Variants in AFF3 observed in about 807,000 individuals in gnomAD.
AFF3 encodes the protein AF4/FMR2 family member 3.
Under a neutral mutation model 129.7 loss-of-function variants are expected in AFF3, and 32 were observed. The ratio of observed to expected loss-of-function variants is 0.25; its 90% CI spans 0.19 to 0.33. The LOEUF (loss-of-function observed/expected upper bound fraction) is 0.33. AFF3 is among the 10% of genes least tolerant of loss of function. The pLI is 1.00. For missense variants in AFF3, 1,373 were observed against 1,592.0 expected (o/e 0.86, Z 2.34); for synonymous variants, 644 against 635.4 (o/e 1.01, Z -0.20).
rs138151589 is a variant in AFF3 at position 99,653,825 on chromosome 2, A to G, written c.1144-4159T>C. On this transcript the variant is annotated intron_variant, in intron 12 of 24. Transcript: ENST00000672756. ...AATCTGTCACATGATGTATGCTACC[A>G]CGCATGCAACAGCATGGTACTTAGC... 8.7e-4 allele frequency among the ~76,000 whole-genome samples: 128 copies of G among 147,514 alleles called. 1 individual carries two copies. The highest frequency in any genetic ancestry group is 3.0e-3 in the African/African-American group (122 of 40,104).
chr2:99,915,651 A>C (rs966089613), intron 7 of AFF3, among the ~76,000 whole-genome samples: 5 of 152,192 alleles, frequency 3.3e-5, no homozygotes, highest in African/African-American at 1.2e-4. Context: ...AAATTAATTA[A>C]TCCCACATTT....
At chr2:99,880,947 G>C (rs1047952308) in intron 7 of AFF3, among the ~76,000 whole-genome samples, 1 of 152,174 alleles carries the variant, frequency 6.6e-6, no homozygotes, top group African/African-American at 2.4e-5. Context: ...TGGTTCAGAT[G>C]GGGGCAGACA....
At chr2:99,672,711 G>T in intron 11 of AFF3, 122 bp from the exon 12 acceptor site, 3 of 929,972 alleles carry the variant, frequency 3.2e-6, no homozygotes, top group South Asian at 1.7e-5. Context: ...AAGTCTATTT[G>T]ATTTCCTATT....
intron 7 of AFF3, among the ~76,000 whole-genome samples, chr2:99,986,194 TC>T (rs1038485323): frequency 1.5e-5 from 2 of 136,192 alleles, no homozygotes; most frequent in African/African-American, 5.5e-5. Context: ...GAGCGAGACT[TC>T]ATCTCAAATA....
At chr2:99,907,624 G>T (rs767219969) in intron 7 of AFF3, among the ~76,000 whole-genome samples, 6 of 150,938 alleles carry the variant, frequency 4.0e-5, no homozygotes, top group East Asian at 1.9e-4. Context: ...AGGAATTCTG[G>T]TTTTTTTCTT....
intron 11 of AFF3, among the ~76,000 whole-genome samples, chr2:99,680,566 C>T (rs1024275233): frequency 7.9e-5 from 12 of 152,172 alleles, no homozygotes; most frequent in South Asian, 4.2e-4. Flanking sequence ...GAGATATGTA[C>T]GTATTTATAT....
intron 7 of AFF3, among the ~76,000 whole-genome samples, chr2:99,947,629 T>TAGACAGAC (rs1480008541): frequency 4.9e-4 from 70 of 141,994 alleles, no homozygotes; most frequent in African/African-American, 1.9e-3. Flanking sequence ...GATAGATAGA[T>TAGACAGAC]AGATAGATAG....
rs1553486217 is a variant in AFF3, at chr2:99,947,579, A to AAAG, written c.873+59052_873+59053insCTT. On this transcript the variant is annotated intron_variant, in intron 7 of 24. Coordinates refer to ENST00000672756, the MANE Select transcript of AFF3 (RefSeq NM_001386135.1). ...AGAGAGAAAGAGAAAGAAAGAAAAG[A>AAAG]AAAGAAAGAAAGAAAGAAAGAAAGA... 2.9e-3 allele frequency among the ~76,000 whole-genome samples: 392 copies of AAAG among 134,318 alleles called. 2 individuals are homozygous for AAAG. Among genetic ancestry groups the AAAG allele is most frequent in the African/African-American group, 0.012 (375 of 31,240 alleles). The allele number at this position is 134,318 out of a possible 152,430, so 88.1% of individuals were successfully genotyped here.
chr2:99,894,661 A>T (rs1390547852), intron 7 of AFF3, among the ~76,000 whole-genome samples: 1 of 151,536 alleles, frequency 6.6e-6, no homozygotes, highest in Non-Finnish European at 1.5e-5. Context: ...ATTTTTAGTA[A>T]AGATGAGGTT....
intron 7 of AFF3, among the ~76,000 whole-genome samples, chr2:99,915,712 C>A (rs985095940): frequency 6.6e-6 from 1 of 152,148 alleles, no homozygotes; most frequent in Non-Finnish European, 1.5e-5. Context: ...ATTTCTTTTA[C>A]TTCTTTCATA....
chr2:100,081,603 T>C (rs1229408858), intron 4 of AFF3, among the ~76,000 whole-genome samples: 3 of 152,132 alleles, frequency 2.0e-5, no homozygotes, highest in South Asian at 2.1e-4. Flanking sequence ...ATGTTCTATA[T>C]TCACAGACAA....
intron 7 of AFF3, among the ~76,000 whole-genome samples, chr2:99,901,990 A>G (rs1289500326): frequency 6.6e-6 from 1 of 151,234 alleles, no homozygotes; most frequent in East Asian, 2.0e-4. Context: ...GGCTTTGAAA[A>G]TGTTTTTCCC....
chr2:99,789,328 G>A (rs1032970042), intron 8 of AFF3, among the ~76,000 whole-genome samples: 1 of 151,628 alleles, frequency 6.6e-6, no homozygotes, highest in Non-Finnish European at 1.5e-5. Flanking sequence ...CATGCCTGTA[G>A]TCAAAGCTAC....
intron 13 of AFF3, among the ~76,000 whole-genome samples, chr2:99,649,225 C>T (rs1460280376): frequency 6.6e-6 from 1 of 152,088 alleles, no homozygotes; most frequent in Non-Finnish European, 1.5e-5. Context: ...GAGAGAGAAT[C>T]TTATCAAAAG....
chr2:99,655,135 G>C (rs895141718), intron 12 of AFF3, among the ~76,000 whole-genome samples: 1 of 137,824 alleles, frequency 7.3e-6, no homozygotes, highest in African/African-American at 2.5e-5. Flanking sequence ...ACTGGACTTG[G>C]CTTAGGTGGC....
intron 13 of AFF3, among the ~76,000 whole-genome samples, chr2:99,636,092 T>G (rs1683626839): frequency 6.6e-6 from 1 of 152,216 alleles, no homozygotes; most frequent in African/African-American, 2.4e-5. Flanking sequence ...CTTCACGTAG[T>G]CCCTCAGATG....
Position 100,139,209 on chromosome 2 carries a change from C to T in AFF3, c.-228+3275G>A, listed in dbSNP as rs370489260. On this transcript the variant is annotated intron_variant, in intron 1 of 24. Coordinates refer to ENST00000672756, the MANE Select transcript of AFF3 (RefSeq NM_001386135.1). ...TGGGGAAAAGTAAAAGCCCTATTTG[C>T]CCTTTCTCTCTTCATTATCCATGGT... Among the ~76,000 whole-genome samples the T allele has an allele frequency of 4.6e-5, 7 of 152,266 alleles. No individual in the cohort carries two copies. In the East Asian group the frequency reaches 1.2e-3, roughly 25 times the overall value.
intron 7 of AFF3, among the ~76,000 whole-genome samples, chr2:99,986,135 A>G (rs756167739): frequency 8.6e-5 from 13 of 151,024 alleles, no homozygotes; most frequent in Non-Finnish European, 1.9e-4. Flanking sequence ...CAGGAGGCGG[A>G]GCTTGCCGTG....
chr2:100,105,156 G>GGCCC (rs1559128582), intron 3 of AFF3: 1 of 282,952 alleles, frequency 3.5e-6, no homozygotes, highest in African/African-American at 2.3e-5. Context: ...CCGCCCGCCC[G>GGCCC]CGCCCGGCCC....
Sources: gnomAD v4.1 joint callset for allele counts (sites outside exome capture counted in the v4.1 genomes callset) on GRCh38, gnomAD v4.1.1 for gene constraint, MANE v1.5 for transcripts, NCBI Gene and HGNC (gene_info 2026-07-23, HGNC 2026-07-21) for gene names.